The following WDR48 variants were observed in gnomAD, a reference collection of about 807,000 sequenced individuals.
The protein encoded by WDR48 is WD repeat-containing protein 48.
Under a neutral mutation model 94.0 loss-of-function variants are expected in WDR48, and 22 were observed. That is an observed-to-expected ratio of 0.23 (90% confidence interval 0.17 to 0.33). WDR48 has a LOEUF of 0.33. Ranked by LOEUF, WDR48 falls within the 10% of genes least tolerant of loss-of-function variation. WDR48 has a pLI of 1.00. For missense variants in WDR48, 541 were observed against 813.8 expected (o/e 0.66, Z 4.08); for synonymous variants, 278 against 280.5 (o/e 0.99, Z 0.09).
chr3:39,081,764 T>C (rs560661196), intron 11 of WDR48, among the ~76,000 whole-genome samples: 1 of 152,338 alleles, frequency 6.6e-6, no homozygotes, highest in East Asian at 1.9e-4. Context: ...TTTCTGTATA[T>C]GGGTCTGTTG....
At position 39,080,473 on chromosome 3, in the gene WDR48, T is replaced by A. The variant is rs77496212; in HGVS notation, c.1173+665T>A. 6.8e-3 allele frequency among the ~76,000 whole-genome samples: 1,042 copies of A among 152,362 alleles called. 9 individuals are homozygous for A. Among genetic ancestry groups the A allele is most frequent in the African/African-American group, 0.024 (1,000 of 41,576 alleles). ...AAGCATTTGTAGGCAGATTAAAAAGTTAGTCTGCTTTTATCATTCTCACAA... is the reference window on the plus strand; with the variant it reads ...AAGCATTTGTAGGCAGATTAAAAAGATAGTCTGCTTTTATCATTCTCACAA... On this transcript the variant is annotated intron_variant, in intron 11 of 18. Transcript: ENST00000302313.
chr3:39,079,244 G>A (rs951045909), intron 10 of WDR48, among the ~76,000 whole-genome samples: 1 of 152,192 alleles, frequency 6.6e-6, no homozygotes, highest in Non-Finnish European at 1.5e-5. Context: ...AGCAGTATAT[G>A]TTTAATGTCA....
At position 39,081,017 on chromosome 3, in the gene WDR48, A is replaced by G. The variant is rs1055667090; in HGVS notation, c.1173+1209A>G. 2.6e-5 allele frequency among the ~76,000 whole-genome samples: 4 copies of G among 152,220 alleles called. No individual in the cohort carries two copies. In the East Asian group the frequency reaches 7.7e-4, roughly 29 times the overall value. ...TTTTGTACTCCTAGAAGAACCTTAGATAATTTTAGAGCAGGAAAATCTCAT... is the reference window on the plus strand; with the variant it reads ...TTTTGTACTCCTAGAAGAACCTTAGGTAATTTTAGAGCAGGAAAATCTCAT... On this transcript the variant is annotated intron_variant, in intron 11 of 18. Transcript: ENST00000302313.
At chr3:39,077,000 A>G in intron 8 of WDR48, 139 bp from the exon 9 acceptor site, 1 of 839,244 alleles carries the variant, frequency 1.2e-6, no homozygotes. Context: ...TTTTCTGTGC[A>G]TCCTTAGTTT....
rs1229834322 is a variant in WDR48 at position 39,077,358 on chromosome 3, T to C, written c.972+145T>C. 5 of 712,302 alleles carry C rather than the reference T, an allele frequency of 7.0e-6. No homozygotes were observed. The African/African-American group carries it at 9.0e-5, about 13-fold the overall frequency. The allele number at this position is 712,302 out of a possible 1,614,324, so 44.1% of individuals were successfully genotyped here. ...CAAAAACCTGAAAGCCCTGTGAATG[T>C]AGGTAGAATCCTAAAGATCATACTA... On this transcript the variant is annotated intron_variant, in intron 9 of 18. Transcript: ENST00000302313.
Position 39,093,883 on chromosome 3 carries a change from C to T in WDR48, c.1755C>T (p.Leu585=). Reference sequence around the variant, plus strand: ...CATTGCTTTTTTACAGAGATAGACTCTCTGCTAGTGACATGCTCCAAGTCC... The same window carrying T: ...CATTGCTTTTTTACAGAGATAGACTTTCTGCTAGTGACATGCTCCAAGTCC... The part of the protein sequence containing the change: ...SGAKTLKKDR[L]SASDMLQVRK... Residue 585 remains leucine (L), a synonymous_variant, in exon 18 of 19, where the codon CTC becomes CTT. Transcript: ENST00000302313. 1.9e-6 allele frequency: 3 copies of T among 1,601,152 alleles called. No individual in the cohort carries two copies. The highest frequency in any genetic ancestry group is 1.7e-4 in the Middle Eastern group (1 of 5,906).
rs139342899 is a variant in WDR48, at chr3:39,067,725, C to T, written c.481+850C>T. Among the ~76,000 whole-genome samples the T allele has an allele frequency of 4.1e-3, 626 of 152,292 alleles. 9 individuals are homozygous for T. Among genetic ancestry groups the T allele is most frequent in the African/African-American group, 0.014 (594 of 41,572 alleles). Reference sequence around the variant, plus strand: ...AGTGTTCACATTGACATAGACAATACAGTTTTACTAATATAGCCTAGTATG... The same window carrying T: ...AGTGTTCACATTGACATAGACAATATAGTTTTACTAATATAGCCTAGTATG... On this transcript the variant is annotated intron_variant, in intron 5 of 18. Transcript: ENST00000302313.
At chr3:39,063,779 C>CAA (rs113083559) in intron 2 of WDR48, among the ~76,000 whole-genome samples, 1 of 141,284 alleles carries the variant, frequency 7.1e-6, no homozygotes, top group South Asian at 2.2e-4. Flanking sequence ...CCTGTCTCTG[C>CAA]AAAAAAAAAA....
intron 1 of WDR48, 124 bp from the exon 2 acceptor site, chr3:39,062,926 T>C: frequency 8.1e-7 from 1 of 1,241,060 alleles, no homozygotes; most frequent in Non-Finnish European, 1.1e-6. Flanking sequence ...AAATTTGTAT[T>C]GGGTTGAAAA....
At chr3:39,052,613 T>G (rs1216251636) in intron 1 of WDR48, 1 of 154,036 alleles carries the variant, frequency 6.5e-6, no homozygotes, top group Non-Finnish European at 1.4e-5. Context: ...TAGGTTTAAG[T>G]GACATAAGAA....
intron 13 of WDR48, among the ~76,000 whole-genome samples, chr3:39,085,193 C>T (rs908917574): frequency 6.6e-6 from 1 of 151,510 alleles, no homozygotes; most frequent in Non-Finnish European, 1.5e-5. Context: ...CACCACTGCG[C>T]TCCAGCCTGG....
At chr3:39,089,512 T>C in intron 16 of WDR48, 194 bp downstream of exon 16, 1 of 373,496 alleles carries the variant, frequency 2.7e-6, no homozygotes, top group South Asian at 8.9e-5. Context: ...TTGTTGGTTT[T>C]TAATTATAAA....
intron 1 of WDR48, among the ~76,000 whole-genome samples, chr3:39,058,490 A>G (rs2033040329): frequency 1.3e-5 from 2 of 152,194 alleles, no homozygotes; most frequent in Non-Finnish European, 2.9e-5. Context: ...CCAGTCAGAT[A>G]ATCTCCCAGA....
intron 8 of WDR48, among the ~76,000 whole-genome samples, chr3:39,076,824 C>CA (rs2034249557): frequency 6.6e-6 from 1 of 152,108 alleles, no homozygotes. Flanking sequence ...ACTGGAGTAA[C>CA]AAGAAGAGAA....
At position 39,085,521 on chromosome 3, in the gene WDR48, TAGG is replaced by T. The variant is rs2034768634; in HGVS notation, c.1390_1392del (p.Gly464del). On this transcript the variant is annotated inframe_deletion, in exon 14 of 19. Coordinates refer to ENST00000302313, the MANE Select transcript of WDR48 (RefSeq NM_020839.4). ...TTAATTAACTTTTTTGCAGTGAATT[TAGG>T]AGGACTTTTACTCCAAGCACTCCTG... 1 of 1,610,362 alleles carries T rather than the reference TAGG, an allele frequency of 6.2e-7. No homozygotes were observed. Among genetic ancestry groups the T allele is most frequent in the Non-Finnish European group, 8.5e-7 (1 of 1,178,914 alleles).
intron 11 of WDR48, among the ~76,000 whole-genome samples, chr3:39,082,278 CT>C (rs147696551): frequency 0.036 from 5,274 of 148,314 alleles, 188 homozygotes; most frequent in East Asian, 0.16. Context: ...AAGAGTGATA[CT>C]TTTTTTTTTC....
intron 1 of WDR48, among the ~76,000 whole-genome samples, chr3:39,054,503 C>A (rs2125629132): frequency 6.6e-6 from 1 of 152,346 alleles, no homozygotes; most frequent in Middle Eastern, 3.4e-3. Context: ...TGTTTGTGTA[C>A]CTGACTTAAC....
At chr3:39,075,935 A>G (rs1000222276) in intron 8 of WDR48, among the ~76,000 whole-genome samples, 1 of 152,038 alleles carries the variant, frequency 6.6e-6, no homozygotes, top group African/African-American at 2.4e-5. Flanking sequence ...TGACCTGGTG[A>G]TCTGCCCACC....
At chr3:39,084,870 A>ACATTT (rs1185965137) in intron 13 of WDR48, 129 bp downstream of exon 13, 9 of 660,960 alleles carry the variant, frequency 1.4e-5, no homozygotes, top group Middle Eastern at 2.5e-4. Context: ...AAAATGTGGT[A>ACATTT]TGTACAAATA....
Sources: gnomAD v4.1 joint callset for allele counts (sites outside exome capture counted in the v4.1 genomes callset) on GRCh38, gnomAD v4.1.1 for gene constraint, MANE v1.5 for transcripts, NCBI Gene and HGNC (gene_info 2026-07-23, HGNC 2026-07-21) for gene names.